PRRT3: variants seen among roughly 807,000 people sequenced by gnomAD.
PRRT3 encodes proline rich transmembrane protein 3, also known as proline-rich transmembrane protein 3.
In PRRT3, 48 loss-of-function variants were observed where a neutral mutation model predicts 56.6. That is an observed-to-expected ratio of 0.85 (90% CI 0.67 to 1.08). The LOEUF (loss-of-function observed/expected upper bound fraction) is 1.08, where lower values mean the gene tolerates loss of function less well. Ranked by LOEUF, PRRT3 falls within the 50% of genes least tolerant of loss-of-function variation. PRRT3 has a pLI of 0.00. For missense variants in PRRT3, 1,370 were observed against 1,353.1 expected, an observed-to-expected ratio of 1.01 and a Z score of -0.20; for synonymous variants, 641 against 619.1, an observed-to-expected ratio of 1.04 and a Z score of -0.52.
rs201639490 is a variant in PRRT3 at position 9,949,314 on chromosome 3, C to T, written c.802G>A (p.Ala268Thr). Residue 268 changes from alanine (A) to threonine (T), a missense_variant, in exon 2 of 4, where the codon GCC becomes ACC. By Grantham distance (58) the Ala-to-Thr change is moderately conservative. Coordinates refer to ENST00000412055, the MANE Select transcript of PRRT3 (RefSeq NM_207351.5). This position sits in a 1 kb window ranked among gnomAD's most constrained non-coding sequence, Gnocchi z 4.5. ...VEVVYSQEPG[A>T]QPDLALARSL... Reference sequence around the variant, plus strand: ...CTGGCCAATGCCAAGTCTGGCTGGGCCCCTGGCTCCTGAGAGTACACCACC... The same window carrying T: ...CTGGCCAATGCCAAGTCTGGCTGGGTCCCTGGCTCCTGAGAGTACACCACC... 8.7e-5 allele frequency: 140 copies of T among 1,613,220 alleles called. No individual in the cohort carries two copies. The highest frequency in any genetic ancestry group is 1.1e-4 in the Non-Finnish European group (135 of 1,179,508).
In PRRT3 at chr3:9,949,137, G is replaced by A. The variant is rs2085578016; in HGVS notation, c.979C>T (p.Pro327Ser). 2.5e-6 allele frequency: 4 copies of A among 1,611,210 alleles called. No individual in the cohort carries two copies. The highest frequency in any genetic ancestry group is 3.4e-6 in the Non-Finnish European group (4 of 1,179,188). ...GGCCGATCAGGAGCCTCTGAGGCGGGTGGATCCGTGGGCTGGGGTCCTGGT... is the reference window on the plus strand; with the variant it reads ...GGCCGATCAGGAGCCTCTGAGGCGGATGGATCCGTGGGCTGGGGTCCTGGT... ...DSPGPQPTDP[P>S]ASEAPDRPSK... Residue 327 changes from proline (P) to serine (S), a missense_variant, in exon 2 of 4, where the codon CCC becomes TCC. Pro to Ser is a moderately conservative substitution (Grantham distance 74, BLOSUM62 -1). Coordinates refer to ENST00000412055, the MANE Select transcript of PRRT3 (RefSeq NM_207351.5). This position sits in a 1 kb window ranked among gnomAD's most constrained non-coding sequence, Gnocchi z 4.5.
chr3:9,951,482 G>A (rs1359562974), intron 1 of PRRT3, among the ~76,000 whole-genome samples: 1 of 152,194 alleles, frequency 6.6e-6, no homozygotes, highest in Admixed American at 6.5e-5. Context: ...AAAGACCTTT[G>A]AGTCCCATCC....
Position 9,948,771 on chromosome 3 carries a change from C to CCCCATGGGG in PRRT3, c.1149_1157dup (p.Pro384_Gly386dup). 1 of 1,613,988 alleles carries CCCCATGGGG rather than the reference C, an allele frequency of 6.2e-7. No individual in the cohort carries two copies. The highest frequency in any genetic ancestry group is 8.5e-7 in the Non-Finnish European group (1 of 1,179,988). ...CCATGCTCTCACCTGGCTGCAGGGC[C>CCCCATGGGG]CCCATGGGGCTCTCTGTTCGGTTTA... On this transcript the variant is annotated inframe_insertion, in exon 3 of 4. Transcript: ENST00000412055.
In PRRT3 at chr3:9,949,308, G is replaced by C. The variant is rs2085582057; in HGVS notation, c.808C>G (p.Pro270Ala). The change falls in exon 2 of 4, where the codon CCA becomes GCA. Residue 270 changes from proline to alanine, a missense_variant. Physicochemically the swap from Pro to Ala is conservative, Grantham distance 27 (BLOSUM62 -1). Transcript: ENST00000412055. The surrounding 1 kb of genome is among the most constrained non-coding windows in gnomAD (Gnocchi z 4.5). ...VVYSQEPGAQPDLALARSLPP... is the reference protein window; with the variant it reads ...VVYSQEPGAQADLALARSLPP... ...AGGCTTCTGGCCAATGCCAAGTCTG[G>C]CTGGGCCCCTGGCTCCTGAGAGTAC... 6.2e-7 allele frequency: 1 copy of C among 1,613,190 alleles called. No individual in the cohort carries two copies. The highest frequency in any genetic ancestry group is 8.5e-7 in the Non-Finnish European group (1 of 1,179,404).
In PRRT3 at chr3:9,949,966, A is replaced by T. The variant is rs746116119; in HGVS notation, c.150T>A (p.Ser50=). 3.9e-5 allele frequency: 62 copies of T among 1,573,022 alleles called. No homozygotes were observed. The highest frequency in any genetic ancestry group is 5.0e-5 in the Non-Finnish European group (58 of 1,162,642). ...PMIPGAHPKG[S]VGSEPQAFDV... The stretch of plus-strand genomic sequence containing the variant: ...CAAAGGCCTGGGGCTCTGAGCCCAC[A>T]GAGCCCTTGGGGTGGGCTCCAGGGA... Residue 50 remains serine (S), a synonymous_variant, in exon 2 of 4, where the codon TCT becomes TCA. Transcript: ENST00000412055. This position sits in a 1 kb window ranked among gnomAD's most constrained non-coding sequence, Gnocchi z 4.5.
In PRRT3 at chr3:9,949,004, CAA is replaced by C; in HGVS notation, c.1016-93_1016-92del. The C allele has an allele frequency of 1.3e-6, 2 of 1,515,798 alleles. No homozygotes were observed. Among genetic ancestry groups the C allele is most frequent in the Non-Finnish European group, 1.8e-6 (2 of 1,136,038 alleles). The allele number at this position is 1,515,798 out of a possible 1,614,324, so 93.9% of individuals were successfully genotyped here. ...GAGTCACAATCAACCTCATTTGCCA[CAA>C]AGAGGAAAATGAGACCTAGAGGGAC... On this transcript the variant is annotated intron_variant, in intron 2 of 3. Transcript: ENST00000412055. This position sits in a 1 kb window ranked among gnomAD's most constrained non-coding sequence, Gnocchi z 4.5.
At chr3:9,948,235 G>C (rs1430648785) in intron 3 of PRRT3, 4 of 400,138 alleles carry the variant, frequency 1.0e-5, no homozygotes, top group African/African-American at 8.2e-5. Flanking sequence ...TATCAGGGAG[G>C]TAGTACCCCA....
Position 9,948,108 on chromosome 3 carries a change from A to C in PRRT3, c.1172-107T>G, listed in dbSNP as rs2085560962. ...TTTAACTTTTCCAAACAAATCTGCA[A>C]AATGGAGATAACAGCACCTGCCTCA... On this transcript the variant is annotated intron_variant, in intron 3 of 3. Coordinates refer to ENST00000412055, the MANE Select transcript of PRRT3 (RefSeq NM_207351.5). 2.5e-6 allele frequency: 3 copies of C among 1,197,822 alleles called. No individual in the cohort carries two copies. In the South Asian group the frequency reaches 1.1e-4, roughly 45 times the overall value. The allele number at this position is 1,197,822 out of a possible 1,614,324, so 74.2% of individuals were successfully genotyped here.
At position 9,946,265 on chromosome 3, in the gene PRRT3, C is replaced by T. The variant is rs774711225; in HGVS notation, c.2908G>A (p.Glu970Lys). 5 of 1,612,746 alleles carry T rather than the reference C, an allele frequency of 3.1e-6. No individual in the cohort carries two copies. Among genetic ancestry groups the T allele is most frequent in the Admixed American group, 3.3e-5 (2 of 59,954 alleles). ...GEVQPRGKPG[E>K]SRSASSDTIE... Reference sequence around the variant, plus strand: ...GTATCACTGGAGGCGCTGCGGGATTCCCCAGGCTTGCCGCGCGGCTGGACC... The same window carrying T: ...GTATCACTGGAGGCGCTGCGGGATTTCCCAGGCTTGCCGCGCGGCTGGACC... The change falls in exon 4 of 4, where the codon GAA becomes AAA. Residue 970 changes from glutamate to lysine, a missense_variant. Transcript: ENST00000412055. This position sits in a 1 kb window ranked among gnomAD's most constrained non-coding sequence, Gnocchi z 4.1.
chr3:9,946,020 G>A lies in PRRT3; in HGVS notation c.*207C>T. On this transcript the variant is annotated 3_prime_UTR_variant, in exon 4 of 4. Transcript: ENST00000412055. The surrounding 1 kb of genome is among the most constrained non-coding windows in gnomAD (Gnocchi z 4.1). ...ATTTTTTTGTATTTTTAGTAGAGAC[G>A]AGGGTTTCGCTATGTTCGAGACCAG... The A allele has an allele frequency of 2.9e-6, 2 of 698,448 alleles. No individual in the cohort carries two copies. The highest frequency in any genetic ancestry group is 2.1e-5 in the South Asian group (1 of 48,624). The allele number at this position is 698,448 out of a possible 1,614,324, so 43.3% of individuals were successfully genotyped here. A position where few individuals can be genotyped will look rare whatever the true frequency, so the allele number is the denominator to read the frequency against.
rs1190017497 is a variant in PRRT3, at chr3:9,949,865, G to A, written c.251C>T (p.Pro84Leu). 2 of 1,613,470 alleles carry A rather than the reference G, an allele frequency of 1.2e-6. No individual in the cohort carries two copies. Among genetic ancestry groups the A allele is most frequent in the Non-Finnish European group, 1.7e-6 (2 of 1,179,658 alleles). Residue 84 changes from proline (P) to leucine (L), a missense_variant, in exon 2 of 4, where the codon CCT becomes CTT. Physicochemically the swap from Pro to Leu is moderately conservative, Grantham distance 98. Coordinates refer to ENST00000412055, the MANE Select transcript of PRRT3 (RefSeq NM_207351.5). The surrounding 1 kb of genome is among the most constrained non-coding windows in gnomAD (Gnocchi z 4.5). ...AAGGGGAGAGGCTACAGGCTTCTCA[G>A]GCATCTCTTCAGCAGGGGCGTGGCG... ...DVRHAPAEEM[P>L]EKPVASPLGP...
Position 9,949,888 on chromosome 3 carries a change from G to T in PRRT3, c.228C>A (p.Arg76=). ...RADSHRNSDV[R]HAPAEEMPEK... The stretch of plus-strand genomic sequence containing the variant: ...CAGGCATCTCTTCAGCAGGGGCGTG[G>T]CGGACATCAGAGTTCCTGTGACTGT... The change falls in exon 2 of 4, where the codon CGC becomes CGA. Residue 76 remains arginine (R), a synonymous_variant. Transcript: ENST00000412055. This position sits in a 1 kb window ranked among gnomAD's most constrained non-coding sequence, Gnocchi z 4.5. 6.2e-7 allele frequency: 1 copy of T among 1,613,446 alleles called. No homozygotes were observed. The highest frequency in any genetic ancestry group is 1.3e-5 in the African/African-American group (1 of 75,008).
intron 3 of PRRT3, 105 bp from the exon 4 acceptor site, chr3:9,948,106 CA>C (rs2085560924): frequency 3.3e-6 from 4 of 1,219,412 alleles, no homozygotes; most frequent in Admixed American, 7.8e-5. Context: ...AACAAATCTG[CA>C]AAATGGAGAT....
In PRRT3 at chr3:9,946,038, G is replaced by T; in HGVS notation, c.*189C>A. The T allele has an allele frequency of 1.2e-6, 1 of 844,828 alleles. No homozygotes were observed. Among genetic ancestry groups the T allele is most frequent in the Non-Finnish European group, 1.7e-6 (1 of 573,994 alleles). The allele number at this position is 844,828 out of a possible 1,614,324, so 52.3% of individuals were successfully genotyped here. On this transcript the variant is annotated 3_prime_UTR_variant, in exon 4 of 4. Coordinates refer to ENST00000412055, the MANE Select transcript of PRRT3 (RefSeq NM_207351.5). This position sits in a 1 kb window ranked among gnomAD's most constrained non-coding sequence, Gnocchi z 4.1. ...TAGAGACGAGGGTTTCGCTATGTTC[G>T]AGACCAGGAGGCTGATCTCGAACTC...
In PRRT3 at chr3:9,949,919, C is replaced by G; in HGVS notation, c.197G>C (p.Arg66Thr). ...ATCAGAGTTCCTGTGACTGTCAGCT[C>G]TGGGGTTCTCCGGGAACACGTCAAA... ...QAFDVFPENP[R>T]ADSHRNSDVR... The change falls in exon 2 of 4, where the codon AGA becomes ACA. Residue 66 changes from arginine (R) to threonine (T), a missense_variant. Physicochemically the swap from Arg to Thr is moderately conservative, Grantham distance 71 (BLOSUM62 -1). Coordinates refer to ENST00000412055, the MANE Select transcript of PRRT3 (RefSeq NM_207351.5). This position sits in a 1 kb window ranked among gnomAD's most constrained non-coding sequence, Gnocchi z 4.5. 6.2e-7 allele frequency: 1 copy of G among 1,610,866 alleles called. No individual in the cohort carries two copies. Among genetic ancestry groups the G allele is most frequent in the Non-Finnish European group, 8.5e-7 (1 of 1,178,280 alleles).
In PRRT3 at chr3:9,949,289, C is replaced by A. The variant is rs762723563; in HGVS notation, c.827G>T (p.Arg276Ile). 1 of 1,611,340 alleles carries A rather than the reference C, an allele frequency of 6.2e-7. No homozygotes were observed. Among genetic ancestry groups the A allele is most frequent in the Non-Finnish European group, 8.5e-7 (1 of 1,178,176 alleles). ...PGAQPDLALARSLPPAEELPV... is the reference protein window; with the variant it reads ...PGAQPDLALAISLPPAEELPV... ...CAGCTCCTCAGCAGGAGGAAGGCTT[C>A]TGGCCAATGCCAAGTCTGGCTGGGC... The change falls in exon 2 of 4, where the codon AGA (arginine) becomes ATA (isoleucine). Residue 276 changes from arginine (R) to isoleucine (I), a missense_variant. By Grantham distance (97) the Arg-to-Ile change is moderately conservative. Transcript: ENST00000412055. The surrounding 1 kb of genome is among the most constrained non-coding windows in gnomAD (Gnocchi z 4.5).
In PRRT3 at chr3:9,948,665, A is replaced by G. The variant is rs749901600; in HGVS notation, c.1171+93T>C. ...TTTAAGGAGGTGATTGTCTCCATTC[A>G]TTCCCCACCCTCCGCCCCCATACAT... On this transcript the variant is annotated intron_variant, in intron 3 of 3. Coordinates refer to ENST00000412055, the MANE Select transcript of PRRT3 (RefSeq NM_207351.5). 6.8e-6 allele frequency: 10 copies of G among 1,468,440 alleles called. 1 individual carries two copies. The South Asian group carries it at 8.0e-5, about 12-fold the overall frequency. 91.0% of individuals were successfully genotyped at this position (1,468,440 alleles called of 1,614,324 possible).
chr3:9,946,575 C>A lies in PRRT3; in HGVS notation c.2598G>T (p.Ser866=), dbSNP rs1369143927. The A allele has an allele frequency of 2.1e-6, 3 of 1,409,944 alleles. No individual in the cohort carries two copies. The highest frequency in any genetic ancestry group is 2.8e-6 in the Non-Finnish European group (3 of 1,084,196). The allele number at this position is 1,409,944 out of a possible 1,614,324, so 87.3% of individuals were successfully genotyped here. A position where few individuals can be genotyped will look rare whatever the true frequency, so the allele number is the denominator to read the frequency against. ...PKAELDDAGS[S]LLRGRCRSLS... is the part of the protein sequence containing the mutation. The stretch of plus-strand genomic sequence containing the variant: ...GCGACCTGCAGCGGCCGCGGAGGAG[C>A]GAGGAGCCAGCGTCGTCGAGCTCGG... Residue 866 remains serine (S), a synonymous_variant, in exon 4 of 4, where the codon TCG becomes TCT. Coordinates refer to ENST00000412055, the MANE Select transcript of PRRT3 (RefSeq NM_207351.5). The surrounding 1 kb of genome is among the most constrained non-coding windows in gnomAD (Gnocchi z 4.1).
chr3:9,948,483 C>A, intron 3 of PRRT3: 1 of 511,560 alleles, frequency 2.0e-6, no homozygotes, highest in Non-Finnish European at 3.4e-6. Flanking sequence ...TGCACCACCA[C>A]GCCCAACTAA....
Sources: allele counts gnomAD v4.1 joint callset (sites outside exome capture counted in the v4.1 genomes callset), GRCh38; gene constraint gnomAD v4.1.1; non-coding constraint Gnocchi (gnomAD v3.1); transcripts MANE v1.5; gene names NCBI Gene and HGNC (gene_info 2026-07-23, HGNC 2026-07-21).